The following ATP1A2 variants were observed in gnomAD, a reference collection of about 807,000 sequenced individuals.
ATP1A2 encodes sodium/potassium-transporting ATPase subunit alpha-2.
A neutral mutation model predicts 113.1 loss-of-function variants in ATP1A2; 56 were observed. The ratio of observed to expected loss-of-function variants is 0.49; its 90% CI spans 0.40 to 0.62. The LOEUF (loss-of-function observed/expected upper bound fraction) is 0.62, where lower values mean the gene tolerates loss of function less well. ATP1A2 is among the 20% of genes least tolerant of loss of function. The probability of loss-of-function intolerance (pLI) is 0.00; values close to 1 mark genes in which losing one functional copy is unlikely to be tolerated. For missense variants in ATP1A2, 712 were observed against 1,357.8 expected, an observed-to-expected ratio of 0.52 and a Z score of 7.47; for synonymous variants, 490 against 526.8, an observed-to-expected ratio of 0.93 and a Z score of 0.96.
intron 8 of ATP1A2, 92 bp downstream of exon 8, chr1:160,127,912 A>G (rs1201940724): frequency 1.3e-6 from 2 of 1,490,314 alleles, no homozygotes; most frequent in East Asian, 2.3e-5. Context: ...GCTTCTCACT[A>G]CTTTTTCCCC....
At chr1:160,125,868 C>T (rs1407130) in intron 7 of ATP1A2, among the ~76,000 whole-genome samples, 41,503 of 152,132 alleles carry the variant, frequency 0.27, 6,096 homozygotes, top group East Asian at 0.47. Context: ...GAGCTGCCAT[C>T]ACTTAATGGC....
In ATP1A2 at chr1:160,127,687, G is replaced by A; in HGVS notation, c.884G>A (p.Gly295Glu). The A allele has an allele frequency of 6.2e-7, 1 of 1,614,226 alleles. No individual in the cohort carries two copies. The highest frequency in any genetic ancestry group is 8.5e-7 in the Non-Finnish European group (1 of 1,180,028). Residue 295 changes from glycine to glutamate, a missense_variant, in exon 8 of 23, where the codon GGG becomes GAG. Around this residue, in one of 6 missense-constraint regions of ATP1A2, gnomAD observed 44 missense variants for 153.1 expected, o/e 0.29. Transcript: ENST00000361216. ...GAACACTTCATCCAGCTGATCACAGGGGTCGCTGTATTCCTGGGGGTCTCC... is the reference window on the plus strand; with the variant it reads ...GAACACTTCATCCAGCTGATCACAGAGGTCGCTGTATTCCTGGGGGTCTCC... Reference protein sequence around the residue: ...EIEHFIQLITGVAVFLGVSFF... With the variant: ...EIEHFIQLITEVAVFLGVSFF...
At chr1:160,134,242 C>CACACAT (rs1190754324) in intron 13 of ATP1A2, among the ~76,000 whole-genome samples, 1 of 147,688 alleles carries the variant, frequency 6.8e-6, no homozygotes, top group East Asian at 2.0e-4. Context: ...CACCCACACA[C>CACACAT]ACACACACAC....
At chr1:160,130,046 T>C in intron 11 of ATP1A2, 56 bp from the exon 12 acceptor site, 2 of 1,608,632 alleles carry the variant, frequency 1.2e-6, no homozygotes, top group East Asian at 2.2e-5. Flanking sequence ...TGCTGCTCTA[T>C]GCCGCGCTAC....
chr1:160,135,598 G>A lies in ATP1A2; in HGVS notation c.2280G>A (p.Glu760=). The A allele has an allele frequency of 1.9e-6, 3 of 1,613,700 alleles. No homozygotes were observed. Among genetic ancestry groups the A allele is most frequent in the Non-Finnish European group, 2.5e-6 (3 of 1,179,950 alleles). ...TTGCCTCCATCGTCACGGGGGTGGA[G>A]GAGGGTGAGGAGGCTGCATGGGTTG... is the stretch of plus-strand genomic sequence containing the variant. ...DNFASIVTGV[E]EGRLIFDNLK... The change falls in exon 16 of 23, where the codon GAG becomes GAA. Residue 760 remains glutamate, a synonymous_variant. Coordinates refer to ENST00000361216, the MANE Select transcript of ATP1A2 (RefSeq NM_000702.4). This position sits in a 1 kb window ranked among gnomAD's most constrained non-coding sequence, Gnocchi z 6.3.
intron 22 of ATP1A2, 93 bp downstream of exon 22, chr1:160,140,077 T>A (rs74820703): frequency 3.1e-6 from 4 of 1,298,540 alleles, no homozygotes; most frequent in Non-Finnish European, 4.4e-6. Flanking sequence ...CCACTACTGG[T>A]TCCTGCTTCT....
At chr1:160,128,371 C>T (rs929705228) in intron 8 of ATP1A2, 2 of 791,936 alleles carry the variant, frequency 2.5e-6, no homozygotes, top group Non-Finnish European at 4.1e-6. Flanking sequence ...AGTGTCCCTT[C>T]TGTGTTGATG....
rs1204728761 is a variant in ATP1A2, at chr1:160,139,697, T to G, written c.2898T>G (p.Ser966=). The G allele has an allele frequency of 6.2e-7, 1 of 1,614,120 alleles. No homozygotes were observed. Among genetic ancestry groups the G allele is most frequent in the Non-Finnish European group, 8.5e-7 (1 of 1,180,042 alleles). The change falls in exon 21 of 23, where the codon TCT becomes TCG. Residue 966 remains serine (S), a synonymous_variant. Coordinates refer to ENST00000361216, the MANE Select transcript of ATP1A2 (RefSeq NM_000702.4). ...AGACGGCGTTGGCTGCCTTTCTCTC[T>G]TACTGCCCAGGCATGGGTGTAGCCC... ...LEETALAAFL[S]YCPGMGVALR...
At chr1:160,121,118 C>T in intron 2 of ATP1A2, 74 bp from the exon 3 acceptor site, 1 of 1,599,092 alleles carries the variant, frequency 6.3e-7, no homozygotes, top group Non-Finnish European at 8.6e-7. Context: ...CTCAACTCAC[C>T]CCTGTGCCCT....
rs1204847530 is a variant in ATP1A2 at position 160,128,765 on chromosome 1, C to A, written c.1131C>A (p.Gly377=). The A allele has an allele frequency of 3.7e-6, 6 of 1,614,180 alleles. No individual in the cohort carries two copies. The highest frequency in any genetic ancestry group is 1.1e-5 in the South Asian group (1 of 91,082). ...STSTICSDKT[G]TLTQNRMTVA... ...CCACCATCTGCTCGGACAAGACGGG[C>A]ACCCTCACCCAGAACCGCATGACCG... Residue 377 remains glycine (G), a synonymous_variant, in exon 9 of 23, where the codon GGC becomes GGA. Transcript: ENST00000361216.
At chr1:160,137,298 T>G (rs889543315) in intron 20 of ATP1A2, 4 of 507,458 alleles carry the variant, frequency 7.9e-6, no homozygotes, top group Non-Finnish European at 1.4e-5. Flanking sequence ...CCTACTTGAG[T>G]GCCACCTGCT....
chr1:160,122,593 T>G (rs890671472), intron 3 of ATP1A2, among the ~76,000 whole-genome samples: 2 of 152,014 alleles, frequency 1.3e-5, no homozygotes, highest in Non-Finnish European at 2.9e-5. Flanking sequence ...GCTGAGGGAA[T>G]AGGGCCAGGC....
intron 8 of ATP1A2, chr1:160,128,451 C>G: frequency 6.7e-7 from 1 of 1,492,608 alleles, no homozygotes; most frequent in Non-Finnish European, 9.0e-7. Context: ...CTTAAACCCC[C>G]TAATGGGCAT....
At chr1:160,123,546 C>A in intron 4 of ATP1A2, 130 bp downstream of exon 4, 1 of 1,203,090 alleles carries the variant, frequency 8.3e-7, no homozygotes, top group Non-Finnish European at 1.2e-6. Flanking sequence ...GCATCTTAGG[C>A]TGGAAAGGGG....
intron 7 of ATP1A2, among the ~76,000 whole-genome samples, chr1:160,125,866 A>T (rs1651570021): frequency 6.6e-6 from 1 of 152,238 alleles, no homozygotes; most frequent in African/African-American, 2.4e-5. Context: ...CAGAGCTGCC[A>T]TCACTTAATG....
At position 160,135,530 on chromosome 1, in the gene ATP1A2, G is replaced by A. The variant is rs1558008569; in HGVS notation, c.2212G>A (p.Val738Ile). 6 of 1,614,184 alleles carry A rather than the reference G, an allele frequency of 3.7e-6. No individual in the cohort carries two copies. Among genetic ancestry groups the A allele is most frequent in the East Asian group, 2.2e-5 (1 of 44,884 alleles). ...TGCCATGGGCATCTCTGGCTCTGAC[G>A]TCTCTAAGCAGGCAGCCGACATGAT... ...GIAMGISGSD[V>I]SKQAADMILL... The change falls in exon 16 of 23, where the codon GTC (valine) becomes ATC (isoleucine). Residue 738 changes from valine to isoleucine, a missense_variant. By Grantham distance (29) the Val-to-Ile change is conservative. This residue lies in a region of ATP1A2 where 188 missense variants were observed against 438.9 expected (regional missense o/e 0.43). Coordinates refer to ENST00000361216, the MANE Select transcript of ATP1A2 (RefSeq NM_000702.4). The surrounding 1 kb of genome is among the most constrained non-coding windows in gnomAD (Gnocchi z 6.3).
Position 160,124,561 on chromosome 1 carries a change from C to G in ATP1A2, c.630+131C>G. The G allele has an allele frequency of 5.8e-6, 8 of 1,375,916 alleles. No individual in the cohort carries two copies. In the African/African-American group the frequency reaches 7.2e-5, roughly 12 times the overall value. 85.2% of individuals were successfully genotyped at this position (1,375,916 alleles called of 1,614,324 possible). On this transcript the variant is annotated intron_variant, in intron 6 of 22. Transcript: ENST00000361216. Reference sequence around the variant, plus strand: ...TGTCAACACCATGCCTATGCCCCTGCTAAACCTTCTCTCAGTGTGGGGTGC... The same window carrying G: ...TGTCAACACCATGCCTATGCCCCTGGTAAACCTTCTCTCAGTGTGGGGTGC...
chr1:160,115,830 C>G lies in ATP1A2; in HGVS notation c.-32C>G. 2 of 1,587,192 alleles carry G rather than the reference C, an allele frequency of 1.3e-6. No individual in the cohort carries two copies. On this transcript the variant is annotated 5_prime_UTR_variant, in exon 1 of 23. Coordinates refer to ENST00000361216, the MANE Select transcript of ATP1A2 (RefSeq NM_000702.4). Reference sequence around the variant, plus strand: ...CTTGGGATCCTCCTGGTGACCTCTCCCGCTAAGGTCCCTCAGCCACTCTGC... The same window carrying G: ...CTTGGGATCCTCCTGGTGACCTCTCGCGCTAAGGTCCCTCAGCCACTCTGC...
chr1:160,123,113 C>A (rs1651468880), intron 3 of ATP1A2, 100 bp from the exon 4 acceptor site: 2 of 1,384,854 alleles, frequency 1.4e-6, no homozygotes, highest in Non-Finnish European at 2.0e-6. Context: ...GACTTTCCTT[C>A]TGGGCATTCT....
Sources: gnomAD v4.1 joint callset for allele counts (sites outside exome capture counted in the v4.1 genomes callset) on GRCh38, gnomAD v4.1.1 for gene constraint, gnomAD v4.1.1 regional missense constraint, Gnocchi (gnomAD v3.1) non-coding constraint, MANE v1.5 for transcripts, NCBI Gene and HGNC (gene_info 2026-07-23, HGNC 2026-07-21) for gene names.